PTN: variants seen among roughly 807,000 people sequenced by gnomAD.
The protein encoded by PTN is heparin affin regulatory protein.
PTN carries 18 observed loss-of-function variants against 24.1 expected under a neutral mutation model. That is an observed-to-expected ratio of 0.75 (90% CI 0.52 to 1.11). The LOEUF (loss-of-function observed/expected upper bound fraction) is 1.11, where lower values mean the gene tolerates loss of function less well. Ranked by LOEUF, PTN falls within the 50% of genes least tolerant of loss-of-function variation. The pLI, the probability that PTN is intolerant of heterozygous loss-of-function variation, is 0.00. For missense variants in PTN, 163 were observed against 198.8 expected (o/e 0.82, Z 1.08); for synonymous variants, 78 against 68.6 (o/e 1.14, Z -0.67).
At chr7:137,308,876 C>A (rs1470452747) in intron 1 of PTN, among the ~76,000 whole-genome samples, 1 of 152,160 alleles carries the variant, frequency 6.6e-6, no homozygotes, top group Non-Finnish European at 1.5e-5. Context: ...GACATTTTGA[C>A]CCCTGACGGG....
intron 4 of PTN, among the ~76,000 whole-genome samples, chr7:137,234,262 T>C (rs1242188825): frequency 6.6e-6 from 1 of 152,002 alleles, no homozygotes; most frequent in Non-Finnish European, 1.5e-5. Context: ...TTCTGACCTC[T>C]TGTTATTATA....
intron 4 of PTN, 134 bp downstream of exon 4, chr7:137,251,096 T>C (rs1165562849): frequency 3.2e-5 from 33 of 1,039,794 alleles, no homozygotes; most frequent in Non-Finnish European, 4.7e-5. Flanking sequence ...TTTGTGACTC[T>C]CAGTGTAGGG....
At chr7:137,278,018 G>A (rs184782603) in intron 1 of PTN, among the ~76,000 whole-genome samples, 175 of 152,090 alleles carry the variant, frequency 1.2e-3, no homozygotes, top group African/African-American at 4.1e-3. Flanking sequence ...TTTAAAAAAT[G>A]ACTACTGGGC....
At chr7:137,280,725 A>AAAAAAAAAAAAAAAAAAAAAAAAAAT (rs71176392) in intron 1 of PTN, among the ~76,000 whole-genome samples, 1 of 138,396 alleles carries the variant, frequency 7.2e-6, no homozygotes, top group Non-Finnish European at 1.6e-5. Context: ...AAAAAAAAAA[A>AAAAAAAAAAAAAAAAAAAAAAAAAAT]GCTGAGTGTG....
At position 137,304,145 on chromosome 7, in the gene PTN, C is replaced by A. The variant is rs544694208; in HGVS notation, c.-2+39294G>T. On this transcript the variant is annotated intron_variant, in intron 1 of 4. Transcript: ENST00000348225. ...TAAAAAACACTGCAAATATTGTTAA[C>A]TGACCCCAAGATTTGCATTATTCTC... is the stretch of plus-strand genomic sequence containing the variant. Among the ~76,000 whole-genome samples, 10 of 152,198 alleles carry A rather than the reference C, an allele frequency of 6.6e-5. No homozygotes were observed. In the East Asian group the frequency reaches 9.7e-4, roughly 15 times the overall value.
At chr7:137,324,433 A>AAAAAAAAAAAATATATATATATATAT in intron 1 of PTN, among the ~76,000 whole-genome samples, 1 of 88,804 alleles carries the variant, frequency 1.1e-5, no homozygotes, top group African/African-American at 6.9e-5. Context: ...AAAAAAAAAA[A>AAAAAAAAAAAATATATATATATATAT]ATATATATAT....
intron 1 of PTN, chr7:137,287,794 A>G (rs951605660): frequency 1.3e-5 from 2 of 152,166 alleles, no homozygotes; most frequent in Non-Finnish European, 2.9e-5. Context: ...AAGGGCTTAC[A>G]TTGTATGTGC....
intron 3 of PTN, among the ~76,000 whole-genome samples, chr7:137,252,558 C>T (rs1808846994): frequency 1.3e-5 from 2 of 151,862 alleles, no homozygotes; most frequent in South Asian, 4.1e-4. Context: ...TTCTCCATCA[C>T]ACTTTTATAG....
chr7:137,279,344 T>G (rs1026583434), intron 1 of PTN, among the ~76,000 whole-genome samples: 2 of 152,232 alleles, frequency 1.3e-5, no homozygotes, highest in African/African-American at 2.4e-5. Flanking sequence ...AGGAAAATAT[T>G]TGATCACACT....
Position 137,228,013 on chromosome 7 carries a change from A to G in PTN, c.*7T>C. The stretch of plus-strand genomic sequence containing the variant: ...ATGTCCTTTTTATGTTCCACAGGTG[A>G]CATCTTTTAATCCAGCATCTTCTCC... On this transcript the variant is annotated 3_prime_UTR_variant, in exon 5 of 5. Coordinates refer to ENST00000348225, the MANE Select transcript of PTN (RefSeq NM_002825.7). 3 of 1,608,918 alleles carry G rather than the reference A, an allele frequency of 1.9e-6. No homozygotes were observed. Among genetic ancestry groups the G allele is most frequent in the Non-Finnish European group, 2.5e-6 (3 of 1,177,266 alleles).
intron 4 of PTN, among the ~76,000 whole-genome samples, chr7:137,233,652 G>T (rs1808467806): frequency 6.6e-6 from 1 of 151,734 alleles, no homozygotes; most frequent in Non-Finnish European, 1.5e-5. Context: ...TATTTTTATG[G>T]TTTTGAGACC....
intron 1 of PTN, among the ~76,000 whole-genome samples, chr7:137,312,872 C>T (rs1254701628): frequency 6.6e-6 from 1 of 151,964 alleles, no homozygotes; most frequent in Non-Finnish European, 1.5e-5. Context: ...TACTCTTTAC[C>T]TGCCACACAG....
At chr7:137,287,139 A>T (rs985603340) in intron 1 of PTN, among the ~76,000 whole-genome samples, 10 of 152,190 alleles carry the variant, frequency 6.6e-5, no homozygotes, top group Admixed American at 1.3e-4. Flanking sequence ...TGCTATGTTT[A>T]CAAAGCAGCA....
At chr7:137,333,087 T>C (rs575060613) in intron 1 of PTN, among the ~76,000 whole-genome samples, 1 of 152,246 alleles carries the variant, frequency 6.6e-6, no homozygotes, top group East Asian at 1.9e-4. Flanking sequence ...ATGCCCTCCC[T>C]GGTGGGTTTT....
At chr7:137,330,845 G>A (rs1014904373) in intron 1 of PTN, among the ~76,000 whole-genome samples, 1 of 152,130 alleles carries the variant, frequency 6.6e-6, no homozygotes, top group African/African-American at 2.4e-5. Context: ...GAGGAGATGT[G>A]GAAAACAAAG....
intron 1 of PTN, among the ~76,000 whole-genome samples, 154 bp from the exon 2 acceptor site, chr7:137,255,128 A>G (rs187191929): frequency 4.9e-4 from 74 of 152,362 alleles, no homozygotes; most frequent in African/African-American, 1.7e-3. Context: ...AATTTTATCT[A>G]TTCTTACCAA....
intron 1 of PTN, among the ~76,000 whole-genome samples, chr7:137,255,388 G>A (rs1808903514): frequency 6.6e-6 from 1 of 152,156 alleles, no homozygotes; most frequent in Non-Finnish European, 1.5e-5. Context: ...CAATGATACT[G>A]CTGTACACAA....
At chr7:137,342,134 T>A (rs189550453) in intron 1 of PTN, among the ~76,000 whole-genome samples, 137 of 152,300 alleles carry the variant, frequency 9.0e-4, no homozygotes, top group African/African-American at 3.3e-3. Context: ...TTTCTACATA[T>A]CAATGCATTC....
intron 1 of PTN, among the ~76,000 whole-genome samples, chr7:137,274,045 A>G (rs982368019): frequency 1.3e-5 from 2 of 152,098 alleles, no homozygotes; most frequent in Non-Finnish European, 2.9e-5. Context: ...ACACACACAC[A>G]CACACACACA....
Sources: gnomAD v4.1 joint callset for allele counts (sites outside exome capture counted in the v4.1 genomes callset) on GRCh38, gnomAD v4.1.1 for gene constraint, MANE v1.5 for transcripts, NCBI Gene and HGNC (gene_info 2026-07-23, HGNC 2026-07-21) for gene names.